The following DNAJB6 variants were observed in gnomAD, a reference collection of about 807,000 sequenced individuals.
The protein encoded by DNAJB6 is DnaJ heat shock protein family (Hsp40) member B6, also known as dnaJ homolog subfamily B member 6.
A neutral mutation model predicts 42.7 loss-of-function variants in DNAJB6; 16 were observed. The ratio of observed to expected loss-of-function variants is 0.37; its 90% CI spans 0.25 to 0.57. The LOEUF is 0.57. DNAJB6 is among the 20% of genes least tolerant of loss of function. DNAJB6 has a pLI of 0.74. For missense variants in DNAJB6, 347 were observed against 416.8 expected, an observed-to-expected ratio of 0.83 and a Z score of 1.46; for synonymous variants, 170 against 163.5, an observed-to-expected ratio of 1.04 and a Z score of -0.30.
chr7:157,386,455 T>C (rs919198537), intron 8 of DNAJB6: 2 of 282,382 alleles, frequency 7.1e-6, no homozygotes, highest in African/African-American at 2.3e-5. Context: ...ATTTGAAGTA[T>C]ATGAAGATTT....
chr7:157,409,140 T>G (rs1249474470), intron 8 of DNAJB6, among the ~76,000 whole-genome samples: 2 of 152,112 alleles, frequency 1.3e-5, no homozygotes, highest in African/African-American at 2.4e-5. Flanking sequence ...TCCATATTTC[T>G]TTTTTTTAAT....
intron 1 of DNAJB6, among the ~76,000 whole-genome samples, chr7:157,342,440 C>T (rs1454555163): frequency 7.0e-6 from 1 of 143,098 alleles, no homozygotes; most frequent in African/African-American, 2.6e-5. Context: ...CAGGTTCAAG[C>T]GATTCTCCTG....
chr7:157,401,876 G>A (rs1795533862), intron 8 of DNAJB6, among the ~76,000 whole-genome samples: 1 of 152,210 alleles, frequency 6.6e-6, no homozygotes, highest in African/African-American at 2.4e-5. Flanking sequence ...TCCCAGCAGC[G>A]GGCTGGCGCC....
At chr7:157,342,281 C>T (rs1248352246) in intron 1 of DNAJB6, among the ~76,000 whole-genome samples, 1 of 151,776 alleles carries the variant, frequency 6.6e-6, no homozygotes, top group Non-Finnish European at 1.5e-5. Flanking sequence ...GATTCTCCTA[C>T]CTCAGGCTCC....
intron 5 of DNAJB6, chr7:157,368,661 CT>C (rs2117002225): frequency 6.5e-6 from 1 of 153,408 alleles, no homozygotes; most frequent in Admixed American, 6.5e-5. Context: ...CTGTTAGAGT[CT>C]TCTCAACCAC....
chr7:157,337,533 A>G (rs1798108077), intron 1 of DNAJB6: 1 of 152,160 alleles, frequency 6.6e-6, no homozygotes, highest in East Asian at 1.9e-4. Flanking sequence ...TCTTTTTCTA[A>G]GGCTCCCGCA....
At chr7:157,340,363 C>G (rs1011111316) in intron 1 of DNAJB6, among the ~76,000 whole-genome samples, 1 of 151,956 alleles carries the variant, frequency 6.6e-6, no homozygotes, top group Non-Finnish European at 1.5e-5. Flanking sequence ...CAGGATTTAG[C>G]AAATGGTGTA....
chr7:157,393,761 G>A (rs182227774), intron 8 of DNAJB6, among the ~76,000 whole-genome samples: 2 of 151,642 alleles, frequency 1.3e-5, no homozygotes, highest in East Asian at 3.9e-4. Context: ...TCAGATCGGG[G>A]TGCATGTGTG....
chr7:157,374,088 A>T (rs1800351718), intron 5 of DNAJB6, among the ~76,000 whole-genome samples: 1 of 152,150 alleles, frequency 6.6e-6, no homozygotes, highest in Non-Finnish European at 1.5e-5. Flanking sequence ...AAGTTGTTGG[A>T]ACCATCCTTG....
intron 1 of DNAJB6, among the ~76,000 whole-genome samples, chr7:157,341,179 C>T (rs1416651194): frequency 6.6e-6 from 1 of 152,134 alleles, no homozygotes; most frequent in Non-Finnish European, 1.5e-5. Context: ...AGGCTGGATG[C>T]AGTGGCGCCA....
chr7:157,395,128 AAGC>A (rs1210163210), intron 8 of DNAJB6, among the ~76,000 whole-genome samples: 8 of 152,018 alleles, frequency 5.3e-5, no homozygotes, highest in Admixed American at 4.6e-4. Flanking sequence ...AAACCCCAGA[AAGC>A]AGAGAGTTAG....
At chr7:157,400,760 G>A (rs1244093957) in intron 8 of DNAJB6, among the ~76,000 whole-genome samples, 1 of 152,218 alleles carries the variant, frequency 6.6e-6, no homozygotes, top group Admixed American at 6.5e-5. Flanking sequence ...GGCAGGAACT[G>A]TGGGTGGGCG....
chr7:157,377,057 C>A (rs569853623), intron 5 of DNAJB6, among the ~76,000 whole-genome samples: 2 of 152,118 alleles, frequency 1.3e-5, no homozygotes, highest in Non-Finnish European at 2.9e-5. Context: ...GATAAAAGAT[C>A]GTGGAGATGA....
At chr7:157,353,619 G>GTGTGTGTGTGTGTGTGTGTGTGTA (rs765489885) in intron 1 of DNAJB6, among the ~76,000 whole-genome samples, 18 of 146,972 alleles carry the variant, frequency 1.2e-4, no homozygotes, top group African/African-American at 4.1e-4. Flanking sequence ...GTGTGTGTGT[G>GTGTGTGTGTGTGTGTGTGTGTGTA]TGTATGTATT....
At chr7:157,347,556 T>G (rs1798750322) in intron 1 of DNAJB6, among the ~76,000 whole-genome samples, 1 of 152,164 alleles carries the variant, frequency 6.6e-6, no homozygotes, top group Admixed American at 6.5e-5. Context: ...CTTAATTCCT[T>G]TGAGCCCCCG....
At chr7:157,407,352 C>T (rs17837757) in intron 8 of DNAJB6, among the ~76,000 whole-genome samples, 16,242 of 152,244 alleles carry the variant, frequency 0.11, 1,185 homozygotes, top group East Asian at 0.3. Flanking sequence ...CGCTGTGCCC[C>T]GGGGAAGACT....
At chr7:157,385,357 C>G (rs996069428) in intron 7 of DNAJB6, among the ~76,000 whole-genome samples, 184 bp from the exon 8 acceptor site, 2 of 152,130 alleles carry the variant, frequency 1.3e-5, no homozygotes, top group Non-Finnish European at 2.9e-5. Context: ...TTTATTTTGT[C>G]AGGTTAATTC....
intron 1 of DNAJB6, among the ~76,000 whole-genome samples, chr7:157,355,617 A>G (rs1799232933): frequency 6.6e-6 from 1 of 152,138 alleles, no homozygotes; most frequent in Non-Finnish European, 1.5e-5. Context: ...AGTGGCAGGC[A>G]GTGGGGAGCT....
rs1009189586 is a variant in DNAJB6, at chr7:157,397,433, A to C, written c.691+11822A>C. 3.3e-5 allele frequency among the ~76,000 whole-genome samples: 5 copies of C among 152,316 alleles called. No individual in the cohort carries two copies. In the South Asian group the frequency reaches 8.3e-4, roughly 25 times the overall value. On this transcript the variant is annotated intron_variant, in intron 8 of 9. Coordinates refer to ENST00000262177, the MANE Select transcript of DNAJB6 (RefSeq NM_058246.4). ...CTGCGGTGGTGTGTTCAGCTCTGAC[A>C]TGAGTGGGGATGCCAACCCCAGCAG...
Sources: allele counts gnomAD v4.1 joint callset (sites outside exome capture counted in the v4.1 genomes callset), GRCh38; gene constraint gnomAD v4.1.1; transcripts MANE v1.5; gene names NCBI Gene and HGNC (gene_info 2026-07-23, HGNC 2026-07-21).